Variants in GLB1 observed in about 807,000 individuals in gnomAD.
GLB1 encodes galactosidase beta 1.
In GLB1, 56 loss-of-function variants were observed where a neutral mutation model predicts 74.0. The ratio of observed to expected loss-of-function variants is 0.76; its 90% confidence interval spans 0.61 to 0.94. The LOEUF (loss-of-function observed/expected upper bound fraction) is 0.94, where lower values mean the gene tolerates loss of function less well. GLB1 is among the 40% of genes least tolerant of loss of function. The pLI is 0.00. For missense variants in GLB1, 787 were observed against 845.5 expected, an observed-to-expected ratio of 0.93 and a Z score of 0.86; for synonymous variants, 323 against 323.6, an observed-to-expected ratio of 1.00 and a Z score of 0.02.
At chr3:33,041,873 A>G (rs1035660132) in intron 10 of GLB1, among the ~76,000 whole-genome samples, 1 of 152,052 alleles carries the variant, frequency 6.6e-6, no homozygotes, top group Non-Finnish European at 1.5e-5. Flanking sequence ...GTGCATTCAT[A>G]TATCCACTGC....
chr3:32,998,507 C>T (rs1282216031), intron 15 of GLB1, among the ~76,000 whole-genome samples: 5 of 146,368 alleles, frequency 3.4e-5, no homozygotes, highest in Non-Finnish European at 7.5e-5. Flanking sequence ...AGCAAGACTC[C>T]GTCTCAAAAA....
At chr3:33,049,500 T>C (rs532741445) in intron 9 of GLB1, among the ~76,000 whole-genome samples, 48 of 152,210 alleles carry the variant, frequency 3.2e-4, no homozygotes, top group African/African-American at 1.1e-3. Flanking sequence ...CACTGCAACC[T>C]CCACCACCTG....
chr3:33,009,953 T>C (rs902732267), intron 15 of GLB1, among the ~76,000 whole-genome samples: 6 of 152,264 alleles, frequency 3.9e-5, no homozygotes, highest in African/African-American at 1.2e-4. Flanking sequence ...CTCCATTCCT[T>C]TTTATTGAGG....
Position 33,057,965 on chromosome 3 carries a change from T to C in GLB1, c.733+124A>G, listed in dbSNP as rs915575809. 10 of 1,330,284 alleles carry C rather than the reference T, an allele frequency of 7.5e-6. No homozygotes were observed. The African/African-American group carries it at 8.8e-5, about 12-fold the overall frequency. 82.4% of individuals were successfully genotyped at this position (1,330,284 alleles called of 1,614,324 possible). ...GCAAGTATTCTATTCTACCTGTTCC[T>C]TGAAAAATGAAAACATGAAAAATCT... On this transcript the variant is annotated intron_variant, in intron 6 of 15. Transcript: ENST00000307363.
the GLB1 span, among the ~76,000 whole-genome samples, chr3:32,964,424 A>G: frequency 1.3e-5 from 2 of 152,214 alleles, no homozygotes; most frequent in African/African-American, 2.4e-5. Flanking sequence ...TAAATACAAG[A>G]GTTATTTCTA....
At chr3:33,026,858 A>G (rs1697784851) in intron 10 of GLB1, among the ~76,000 whole-genome samples, 1 of 152,120 alleles carries the variant, frequency 6.6e-6, no homozygotes. Flanking sequence ...CAAGCTATCC[A>G]CTGTGGGCCT....
the GLB1 span, among the ~76,000 whole-genome samples, chr3:32,980,007 AATG>A: frequency 6.6e-6 from 1 of 152,318 alleles, no homozygotes; most frequent in African/African-American, 2.4e-5. Flanking sequence ...TACTTTGTGT[AATG>A]ATCAAATCAG....
intron 10 of GLB1, among the ~76,000 whole-genome samples, chr3:33,025,924 GC>G (rs1697728142): frequency 1.3e-5 from 2 of 152,200 alleles, no homozygotes; most frequent in Non-Finnish European, 2.9e-5. Context: ...CCTTGCTGCT[GC>G]TGTGGAAAGG....
At chr3:33,024,121 G>A in intron 11 of GLB1, 130 bp downstream of exon 11, 2 of 1,064,704 alleles carry the variant, frequency 1.9e-6, no homozygotes, top group Non-Finnish European at 2.7e-6. Context: ...CATTAGGCTT[G>A]CAGAAAACAA....
chr3:33,057,508 T>A (rs1181916604), intron 6 of GLB1, among the ~76,000 whole-genome samples: 1 of 152,216 alleles, frequency 6.6e-6, no homozygotes, highest in Non-Finnish European at 1.5e-5. Context: ...TTGCAGCATC[T>A]CCACAGTTTA....
At chr3:33,010,267 C>T (rs1380669599) in intron 15 of GLB1, among the ~76,000 whole-genome samples, 1 of 152,150 alleles carries the variant, frequency 6.6e-6, no homozygotes, top group Non-Finnish European at 1.5e-5. Context: ...GTCCTTCTTA[C>T]TATTTAGCCA....
rs79869788 is a variant in GLB1 at position 33,027,906 on chromosome 3, C to A, written c.1069-3581G>T. On this transcript the variant is annotated intron_variant, in intron 10 of 15. Transcript: ENST00000307363. Reference sequence around the variant, plus strand: ...TCAGAGGAAGCCATTTAAAAATTATCATTTTTTATTATTTTGTTTTGAGAT... The same window carrying A: ...TCAGAGGAAGCCATTTAAAAATTATAATTTTTTATTATTTTGTTTTGAGAT... Among the ~76,000 whole-genome samples, 3,486 of 152,176 alleles carry A rather than the reference C, an allele frequency of 0.023. 553 individuals carry two copies. The East Asian group carries it at 0.42, about 19-fold the overall frequency.
rs181187514 is a variant in GLB1, at chr3:33,045,594, T to C, written c.1068+526A>G. ...CTTTGGTTACTGGAAACTTACTTTT[T>C]TCAGATGATGCATTAAATAAAGAAA... On this transcript the variant is annotated intron_variant, in intron 10 of 15. Coordinates refer to ENST00000307363, the MANE Select transcript of GLB1 (RefSeq NM_000404.4). 416 of 991,104 alleles carry C rather than the reference T, an allele frequency of 4.2e-4. 2 individuals are homozygous for C. Among genetic ancestry groups the C allele is most frequent in the East Asian group, 3.1e-3 (28 of 9,146 alleles). The allele number at this position is 991,104 out of a possible 1,614,324, so 61.4% of individuals were successfully genotyped here.
At chr3:33,026,114 G>GGCTGCAGCTACGAA (rs1697742398) in intron 10 of GLB1, among the ~76,000 whole-genome samples, 1 of 151,610 alleles carries the variant, frequency 6.6e-6, no homozygotes, top group Non-Finnish European at 1.5e-5. Context: ...AGCTGGGCGT[G>GGCTGCAGCTACGAA]GCTGCAGCTA....
chr3:33,090,936 A>G, intron 1 of GLB1: 1 of 985,414 alleles, frequency 1.0e-6, no homozygotes, highest in Non-Finnish European at 1.2e-6. Flanking sequence ...TAAAAAAAAA[A>G]TAGGACTTAA....
chr3:33,072,397 G>A (rs778176798), intron 2 of GLB1, 147 bp downstream of exon 2: 16 of 1,240,630 alleles, frequency 1.3e-5, no homozygotes, highest in Admixed American at 2.1e-5. Context: ...GGGCCAGTCC[G>A]GCTCATGACA....
chr3:33,096,807 G>A (rs1701051446), intron 1 of GLB1: 17 of 1,360,522 alleles, frequency 1.2e-5, no homozygotes, highest in African/African-American at 6.2e-5. Flanking sequence ...GAGCTGCCTG[G>A]AAGGACGCGC....
the GLB1 span, among the ~76,000 whole-genome samples, chr3:32,970,326 C>T: frequency 2.6e-5 from 4 of 152,104 alleles, no homozygotes; most frequent in African/African-American, 9.7e-5. Context: ...GAGTCAGGTG[C>T]ACCCCCACCT....
At position 33,016,996 on chromosome 3, in the gene GLB1, G is replaced by T. The variant is rs1366096679; in HGVS notation, c.1348-156C>A. 6.6e-6 allele frequency among the ~76,000 whole-genome samples: 1 copy of T among 152,172 alleles called. No homozygotes were observed. The highest frequency in any genetic ancestry group is 1.9e-4 in the East Asian group (1 of 5,204). On this transcript the variant is annotated intron_variant, in intron 13 of 15. Coordinates refer to ENST00000307363, the MANE Select transcript of GLB1 (RefSeq NM_000404.4). The stretch of plus-strand genomic sequence containing the variant: ...TGATAGCATCTTAGCCCAAGTTACC[G>T]GCCAGGTCGGAAAGATCCCCCAATC...
Sources: gnomAD v4.1 joint callset for allele counts (sites outside exome capture counted in the v4.1 genomes callset) on GRCh38, gnomAD v4.1.1 for gene constraint, MANE v1.5 for transcripts, NCBI Gene and HGNC (gene_info 2026-07-23, HGNC 2026-07-21) for gene names.